The following SHANK2 variants were observed in gnomAD, a reference collection of about 807,000 sequenced individuals.
The protein encoded by SHANK2 is SH3 and multiple ankyrin repeat domains protein 2.
Under a neutral mutation model 133.7 loss-of-function variants are expected in SHANK2, and 43 were observed. That is an observed-to-expected ratio of 0.32 (90% confidence interval 0.25 to 0.41). The LOEUF (loss-of-function observed/expected upper bound fraction) is 0.41. Ranked by LOEUF, SHANK2 falls within the 10% of genes least tolerant of loss-of-function variation. The pLI, the probability that SHANK2 is intolerant of heterozygous loss-of-function variation, is 1.00. For synonymous variants in SHANK2, 1,017 were observed against 952.8 expected (o/e 1.07, Z -1.24); for missense variants, 1,994 against 2,235.8 (o/e 0.89, Z 2.18).
At position 70,882,056 on chromosome 11, in the gene SHANK2, G is replaced by A. The variant is rs1175039187; in HGVS notation, c.1174+14445C>T. 1.3e-5 allele frequency among the ~76,000 whole-genome samples: 2 copies of A among 152,110 alleles called. No individual in the cohort carries two copies. The highest frequency in any genetic ancestry group is 6.5e-5 in the Admixed American group (1 of 15,272). ...GCAGGAAGGGAACCCTTGCTAGAGA[G>A]GCGGAAAACATCAGTGTGAATTCCC... On this transcript the variant is annotated intron_variant, in intron 11 of 25. Transcript: ENST00000601538. This position sits in a 1 kb window ranked among gnomAD's most constrained non-coding sequence, Gnocchi z 4.2.
At chr11:70,633,572 A>T (rs891430602) in intron 17 of SHANK2, 7 of 152,246 alleles carry the variant, frequency 4.6e-5, no homozygotes, top group African/African-American at 1.7e-4. Flanking sequence ...GATATGTGAA[A>T]GTTCTTCGAG....
At chr11:70,554,380 G>C (rs1477354571) in intron 17 of SHANK2, among the ~76,000 whole-genome samples, 1 of 152,188 alleles carries the variant, frequency 6.6e-6, no homozygotes, top group Non-Finnish European at 1.5e-5. Flanking sequence ...CACCTGTTCT[G>C]TCCTCTCGGA....
At chr11:71,140,211 A>G (rs1383963172) in intron 3 of SHANK2, among the ~76,000 whole-genome samples, 2 of 152,240 alleles carry the variant, frequency 1.3e-5, no homozygotes, top group Non-Finnish European at 2.9e-5. Context: ...TGTCTTGAAC[A>G]GAGTGAAGCA....
chr11:71,073,554 A>AC (rs1951177793), intron 9 of SHANK2, among the ~76,000 whole-genome samples: 1 of 147,998 alleles, frequency 6.8e-6, no homozygotes, highest in African/African-American at 2.5e-5. Flanking sequence ...GTAGCCTTAA[A>AC]CCCCCAGGGC....
In SHANK2 at chr11:71,252,095, C is replaced by G. The variant is rs975067765; in HGVS notation, c.-113+330G>C. 1.3e-5 allele frequency among the ~76,000 whole-genome samples: 2 copies of G among 152,178 alleles called. No homozygotes were observed. The highest frequency in any genetic ancestry group is 2.4e-5 in the African/African-American group (1 of 41,454). ...CAGGACGCGCCAGAGACTACGTGGT[C>G]CATGCGCGCAGGAGATAAAGCGGGG... On this transcript the variant is annotated intron_variant, in intron 1 of 25. Transcript: ENST00000601538. This position sits in a 1 kb window ranked among gnomAD's most constrained non-coding sequence, Gnocchi z 6.3.
At chr11:71,181,284 C>T (rs957196783) in intron 2 of SHANK2, among the ~76,000 whole-genome samples, 3 of 152,056 alleles carry the variant, frequency 2.0e-5, no homozygotes, top group Non-Finnish European at 4.4e-5. Flanking sequence ...TTCTCCACTA[C>T]ATCACTCTCA....
chr11:70,852,665 A>G (rs1169630289), intron 11 of SHANK2, among the ~76,000 whole-genome samples: 1 of 152,240 alleles, frequency 6.6e-6, no homozygotes, highest in Non-Finnish European at 1.5e-5. Context: ...CAACATAGTG[A>G]AACCCCGTCT....
chr11:70,815,637 C>T (rs1309061253), intron 12 of SHANK2, among the ~76,000 whole-genome samples: 26 of 152,316 alleles, frequency 1.7e-4, no homozygotes, highest in African/African-American at 6.0e-4. Context: ...CCAGGGTTGG[C>T]ACCTCCATGC....
At chr11:71,079,818 AGAAAGG>A (rs1317635312) in intron 8 of SHANK2, among the ~76,000 whole-genome samples, 90 of 130,350 alleles carry the variant, frequency 6.9e-4, no homozygotes, top group Non-Finnish European at 1.0e-3. Context: ...AAAGAAAAAG[AGAAAGG>A]GAAAGGGAAA....
rs577563951 is a variant in SHANK2 at position 70,597,464 on chromosome 11, AAGAGGGTAGAGAGGATAG to A, written c.2061+62346_2061+62363del. ...CCAGTGGAGCTGGCGGCGGTAAGATAAGAGGGTAGAGAGGATAGAGAGGGTAGAGAGGATAGAGAGGGT... is the reference window on the plus strand; with the variant it reads ...CCAGTGGAGCTGGCGGCGGTAAGATAAGAGGGTAGAGAGGATAGAGAGGGT... On this transcript the variant is annotated intron_variant, in intron 17 of 25. Coordinates refer to ENST00000601538, the MANE Select transcript of SHANK2 (RefSeq NM_012309.5). 2.2e-3 allele frequency among the ~76,000 whole-genome samples: 340 copies of A among 152,154 alleles called. 2 individuals carry two copies. Among genetic ancestry groups the A allele is most frequent in the African/African-American group, 7.2e-3 (300 of 41,530 alleles).
chr11:70,599,944 A>G (rs1009712316), intron 17 of SHANK2, among the ~76,000 whole-genome samples: 1 of 130,500 alleles, frequency 7.7e-6, no homozygotes, highest in Non-Finnish European at 1.6e-5. Flanking sequence ...AGAAAGAAAG[A>G]AAGAAAGAAA....
chr11:70,863,125 A>G (rs1222809075), intron 11 of SHANK2, among the ~76,000 whole-genome samples: 1 of 152,166 alleles, frequency 6.6e-6, no homozygotes, highest in Middle Eastern at 3.2e-3. Context: ...AACCGTGAAC[A>G]CTGTCACATT....
chr11:71,073,147 C>CTTTTCTTTTTTTTTTTTTTTTTT (rs1951166965), intron 9 of SHANK2, among the ~76,000 whole-genome samples: 1 of 62,716 alleles, frequency 1.6e-5, no homozygotes, highest in Non-Finnish European at 3.9e-5. Context: ...TTTTTCTTTT[C>CTTTTCTTTTTTTTTTTTTTTTTT]TTTTTTTTCT....
At chr11:71,199,706 G>A (rs112008846) in intron 2 of SHANK2, among the ~76,000 whole-genome samples, 4,655 of 152,280 alleles carry the variant, frequency 0.031, 105 homozygotes, top group African/African-American at 0.062. Flanking sequence ...GTCAGGAACC[G>A]TGGAAGGAAA....
intron 17 of SHANK2, among the ~76,000 whole-genome samples, chr11:70,598,200 C>T (rs1336725565): frequency 6.6e-6 from 1 of 151,916 alleles, no homozygotes; most frequent in East Asian, 1.9e-4. Context: ...TGGGGCGGGA[C>T]GAATGACTGA....
intron 10 of SHANK2, among the ~76,000 whole-genome samples, chr11:70,915,810 C>T (rs1020289823): frequency 2.6e-5 from 4 of 152,220 alleles, no homozygotes; most frequent in Non-Finnish European, 4.4e-5. Flanking sequence ...GTTGCTCAGT[C>T]ATAAAATCAA....
At chr11:70,573,538 G>A (rs1554983549) in intron 17 of SHANK2, among the ~76,000 whole-genome samples, 1 of 98,786 alleles carries the variant, frequency 1.0e-5, no homozygotes, top group African/African-American at 3.6e-5. Context: ...ATGTGTCTGT[G>A]TGTGTGGGGG....
chr11:70,681,364 T>G (rs1378767733), intron 15 of SHANK2, among the ~76,000 whole-genome samples: 1 of 152,140 alleles, frequency 6.6e-6, no homozygotes, highest in Non-Finnish European at 1.5e-5. Flanking sequence ...GCTGCCAAAT[T>G]TCCGCCAGCC....
At chr11:70,885,361 A>G (rs2135596152) in intron 11 of SHANK2, among the ~76,000 whole-genome samples, 1 of 152,338 alleles carries the variant, frequency 6.6e-6, no homozygotes, top group East Asian at 1.9e-4. Context: ...GGTTTGGGGA[A>G]GAGTTCAACC....
Sources: allele counts gnomAD v4.1 joint callset (sites outside exome capture counted in the v4.1 genomes callset), GRCh38; gene constraint gnomAD v4.1.1; non-coding constraint Gnocchi (gnomAD v3.1); transcripts MANE v1.5; gene names NCBI Gene and HGNC (gene_info 2026-07-23, HGNC 2026-07-21).